The following TPTE variants were observed in gnomAD, a reference collection of about 807,000 sequenced individuals.
The protein encoded by TPTE is transmembrane phosphatase with tensin homology.
A neutral mutation model predicts 84.1 loss-of-function variants in TPTE; 59 were observed. The ratio of observed to expected loss-of-function variants is 0.70; its 90% CI spans 0.57 to 0.87. The LOEUF (loss-of-function observed/expected upper bound fraction) is 0.87. Ranked by LOEUF, TPTE falls within the 40% of genes least tolerant of loss-of-function variation. TPTE has a pLI of 0.00. For synonymous variants in TPTE, 130 were observed against 223.5 expected (o/e 0.58, Z 3.73); for missense variants, 382 against 659.6 (o/e 0.58, Z 4.61).
At chr21:10,599,495 A>G (rs1170492841) in intron 21 of TPTE, among the ~76,000 whole-genome samples, 1 of 152,312 alleles carries the variant, frequency 6.6e-6, no homozygotes, top group Non-Finnish European at 1.5e-5. Flanking sequence ...CCTTATCTGT[A>G]AAATAAATAT....
chr21:10,579,029 G>C (rs1218219441), intron 17 of TPTE, among the ~76,000 whole-genome samples: 35 of 152,346 alleles, frequency 2.3e-4, no homozygotes, highest in Non-Finnish European at 4.3e-4. Flanking sequence ...ATGATGTTTT[G>C]ATATAGGTAA....
At chr21:10,530,537 A>G (rs1449330273) in intron 3 of TPTE, among the ~76,000 whole-genome samples, 3 of 152,310 alleles carry the variant, frequency 2.0e-5, no homozygotes, top group Non-Finnish European at 2.9e-5. Context: ...TTTAACTGGT[A>G]TGAAAAATTG....
At chr21:10,544,398 A>G (rs2074427453) in intron 7 of TPTE, among the ~76,000 whole-genome samples, 1 of 152,306 alleles carries the variant, frequency 6.6e-6, no homozygotes, top group South Asian at 2.1e-4. Flanking sequence ...TTATTATTGT[A>G]TTTTTTGAGA....
chr21:10,551,280 CTGT>C (rs2145645825), intron 7 of TPTE, among the ~76,000 whole-genome samples: 1 of 113,776 alleles, frequency 8.8e-6, no homozygotes, highest in African/African-American at 3.6e-5. Flanking sequence ...ACACTGGGGC[CTGT>C]TGTTGGGTAG....
rs534520436 is a variant in TPTE at position 10,552,652 on chromosome 21, T to A, written c.174-5T>A. On this transcript the variant is annotated splice_region_variant and splice_polypyrimidine_tract_variant and intron_variant, in intron 7 of 23. Transcript: ENST00000618007. ...ATATTTTTGCTTTTTTTTTGGTGGCTAAAGTGTGTTAGCACGACTTTCCAA... is the reference window on the plus strand; with the variant it reads ...ATATTTTTGCTTTTTTTTTGGTGGCAAAAGTGTGTTAGCACGACTTTCCAA... The A allele has an allele frequency of 3.1e-6, 5 of 1,613,892 alleles. No homozygotes were observed. Among genetic ancestry groups the A allele is most frequent in the African/African-American group, 2.7e-5 (2 of 75,070 alleles).
At chr21:10,522,537 C>T (rs1407758272) in intron 1 of TPTE, among the ~76,000 whole-genome samples, 1 of 152,312 alleles carries the variant, frequency 6.6e-6, no homozygotes, top group East Asian at 1.9e-4. Flanking sequence ...AACAATGCGT[C>T]TGGACGGGCA....
chr21:10,544,630 C>T (rs559341886), intron 7 of TPTE, among the ~76,000 whole-genome samples: 22 of 152,410 alleles, frequency 1.4e-4, no homozygotes, highest in Middle Eastern at 3.4e-3. Context: ...GTGATCCACC[C>T]GCCTCAGCCT....
intron 7 of TPTE, among the ~76,000 whole-genome samples, chr21:10,549,180 G>GTAGAACCAT (rs1483462637): frequency 3.3e-4 from 50 of 152,284 alleles, no homozygotes; most frequent in African/African-American, 1.2e-3. Context: ...AACCAAGGCC[G>GTAGAACCAT]GTATACCCCA....
chr21:10,564,684 G>A (rs2074880470), intron 10 of TPTE, among the ~76,000 whole-genome samples: 1 of 152,426 alleles, frequency 6.6e-6, no homozygotes, highest in Admixed American at 6.5e-5. Flanking sequence ...TGGGATGCAA[G>A]GATGGTTCAA....
intron 1 of TPTE, among the ~76,000 whole-genome samples, chr21:10,523,295 C>T (rs2074017271): frequency 6.9e-6 from 1 of 145,296 alleles, no homozygotes; most frequent in African/African-American, 2.5e-5. Flanking sequence ...GTATGTATGG[C>T]AGAACAGTAT....
intron 14 of TPTE, among the ~76,000 whole-genome samples, chr21:10,576,838 C>CACAT (rs2075162528): frequency 7.4e-6 from 1 of 135,946 alleles, no homozygotes; most frequent in African/African-American, 2.6e-5. Context: ...TACATATATA[C>CACAT]ATATATATAT....
intron 14 of TPTE, among the ~76,000 whole-genome samples, chr21:10,574,047 G>A (rs564154762): frequency 1.3e-5 from 2 of 152,426 alleles, no homozygotes; most frequent in East Asian, 3.8e-4. Flanking sequence ...TCTACCATAG[G>A]GAAGAAAGAT....
At position 10,605,712 on chromosome 21, in the gene TPTE, T is replaced by C. The variant is rs3178401; in HGVS notation, c.*160T>C. ...CATAAATCTATTACATATATATAGA[T>C]AAAATGTCAGTGTCTTTCTTCTTTT... is the stretch of plus-strand genomic sequence containing the variant. On this transcript the variant is annotated 3_prime_UTR_variant, in exon 24 of 24. Coordinates refer to ENST00000618007, the MANE Select transcript of TPTE (RefSeq NM_199261.4). The C allele has an allele frequency of 7.6e-7, 1 of 1,318,124 alleles. No individual in the cohort carries two copies. The highest frequency in any genetic ancestry group is 1.0e-6 in the Non-Finnish European group (1 of 998,070). 81.7% of individuals were successfully genotyped at this position (1,318,124 alleles called of 1,614,324 possible).
At chr21:10,603,354 A>G (rs1978823581) in intron 22 of TPTE, among the ~76,000 whole-genome samples, 1 of 152,312 alleles carries the variant, frequency 6.6e-6, no homozygotes, top group Non-Finnish European at 1.5e-5. Context: ...GAAAATTTTG[A>G]TAGAAACAGC....
intron 7 of TPTE, among the ~76,000 whole-genome samples, chr21:10,543,661 T>A (rs1343010568): frequency 6.6e-6 from 1 of 152,196 alleles, no homozygotes; most frequent in East Asian, 1.9e-4. Context: ...ACTTTGCACC[T>A]TTTTTTGATG....
intron 10 of TPTE, among the ~76,000 whole-genome samples, chr21:10,566,719 G>C (rs2074929092): frequency 6.6e-6 from 1 of 152,308 alleles, no homozygotes; most frequent in South Asian, 2.1e-4. Flanking sequence ...GCTCATGCCT[G>C]TAATCACAGC....
intron 4 of TPTE, chr21:10,540,859 C>G: frequency 1.6e-6 from 1 of 630,386 alleles, no homozygotes; most frequent in Non-Finnish European, 3.0e-6. Context: ...AATGCTGTTA[C>G]ACCTTGAGGT....
intron 23 of TPTE, among the ~76,000 whole-genome samples, chr21:10,604,968 A>G (rs1418004171): frequency 6.6e-6 from 1 of 152,312 alleles, no homozygotes; most frequent in African/African-American, 2.4e-5. Flanking sequence ...CTAGTGTTCC[A>G]TTATTGGAAC....
intron 7 of TPTE, among the ~76,000 whole-genome samples, chr21:10,551,434 A>T (rs2074571884): frequency 1.3e-5 from 2 of 152,178 alleles, no homozygotes; most frequent in Non-Finnish European, 2.9e-5. Context: ...TTAAAGTATA[A>T]AAAAAAAAGT....
Sources: gnomAD v4.1 joint callset for allele counts (sites outside exome capture counted in the v4.1 genomes callset) on GRCh38, gnomAD v4.1.1 for gene constraint, MANE v1.5 for transcripts, NCBI Gene and HGNC (gene_info 2026-07-23, HGNC 2026-07-21) for gene names.